The following PCDHA1 variants were observed in gnomAD, a reference collection of about 807,000 sequenced individuals.
PCDHA1 encodes the protein protocadherin alpha 1.
Under a neutral mutation model 61.3 loss-of-function variants are expected in PCDHA1, and 42 were observed. The observed-to-expected ratio is 0.69, with a 90% confidence interval of 0.54 to 0.89. The LOEUF (loss-of-function observed/expected upper bound fraction) is 0.89, where lower values mean the gene tolerates loss of function less well. Ranked by LOEUF, PCDHA1 falls within the 40% of genes least tolerant of loss-of-function variation. PCDHA1 has a pLI of 0.00. For synonymous variants in PCDHA1, 610 were observed against 553.8 expected (o/e 1.10, Z -1.43); for missense variants, 1,256 against 1,235.3 (o/e 1.02, Z -0.25).
chr5:140,862,675 G>C, intron 1 of PCDHA1: 1 of 550,422 alleles, frequency 1.8e-6, no homozygotes, highest in Non-Finnish European at 3.6e-6. Context: ...GCAGGAGAAC[G>C]TGCTGGTGTC....
At chr5:140,985,739 C>CTTTTTT (rs11372071) in intron 3 of PCDHA1, among the ~76,000 whole-genome samples, 3 of 117,922 alleles carry the variant, frequency 2.5e-5, no homozygotes, top group Non-Finnish European at 1.7e-5. Context: ...TGATGAATTC[C>CTTTTTT]TTTTTTTTTT....
chr5:140,892,310 A>AT (rs1422110989), intron 1 of PCDHA1, among the ~76,000 whole-genome samples: 1 of 152,230 alleles, frequency 6.6e-6, no homozygotes, highest in Non-Finnish European at 1.5e-5. Flanking sequence ...TTTGGGGCTT[A>AT]TAACATTTTC....
chr5:140,844,367 A>C (rs1220676752), intron 1 of PCDHA1, among the ~76,000 whole-genome samples: 1 of 149,478 alleles, frequency 6.7e-6, no homozygotes, highest in Non-Finnish European at 1.5e-5. Context: ...GAGATTTGTA[A>C]TCCTTCTTTT....
chr5:140,882,562 G>A, intron 1 of PCDHA1: 1 of 1,614,252 alleles, frequency 6.2e-7, no homozygotes, highest in Non-Finnish European at 8.5e-7. Flanking sequence ...TGTGTGGGCG[G>A]AGCGCGGAGT....
At chr5:140,797,054 A>C in intron 1 of PCDHA1, 3 of 1,613,748 alleles carry the variant, frequency 1.9e-6, no homozygotes, top group Non-Finnish European at 2.5e-6. Flanking sequence ...GTGGATGTCA[A>C]CGTGTACCTG....
At chr5:140,965,951 T>C (rs1484541931) in intron 1 of PCDHA1, among the ~76,000 whole-genome samples, 3 of 152,172 alleles carry the variant, frequency 2.0e-5, no homozygotes, top group East Asian at 1.9e-4. Flanking sequence ...GCATTTGCCA[T>C]CCCCCTCCTT....
chr5:140,989,893 A>T (rs1436233809), intron 3 of PCDHA1, among the ~76,000 whole-genome samples: 1 of 151,928 alleles, frequency 6.6e-6, no homozygotes, highest in Non-Finnish European at 1.5e-5. Context: ...AGTCTCCGTT[A>T]TTCACAATCA....
intron 1 of PCDHA1, chr5:140,928,845 T>C: frequency 6.2e-7 from 1 of 1,614,180 alleles, no homozygotes; most frequent in Non-Finnish European, 8.5e-7. Flanking sequence ...CCTCTGTCAC[T>C]CTGGGTGTGC....
intron 3 of PCDHA1, among the ~76,000 whole-genome samples, chr5:141,007,395 C>CAAAAAAAAAAAA (rs35800918): frequency 6.3e-5 from 6 of 94,866 alleles, no homozygotes; most frequent in Admixed American, 1.2e-4. Flanking sequence ...TACTAAAATA[C>CAAAAAAAAAAAA]AAAAAAAAAA....
intron 1 of PCDHA1, chr5:140,801,601 T>C (rs1554121563): frequency 1.9e-6 from 3 of 1,614,168 alleles, no homozygotes; most frequent in South Asian, 1.1e-5. Context: ...GTTTTTCCAA[T>C]GGCTGTAAAG....
At chr5:140,927,602 T>G (rs2084408838) in intron 1 of PCDHA1, 1 of 1,614,104 alleles carries the variant, frequency 6.2e-7, no homozygotes, top group African/African-American at 1.3e-5. Context: ...GAGCGCTCCG[T>G]ATACCGCACC....
At chr5:140,854,022 C>A in intron 1 of PCDHA1, 1 of 318,106 alleles carries the variant, frequency 3.1e-6, no homozygotes, top group Non-Finnish European at 4.7e-6. Context: ...ATTAGCCGGG[C>A]ATGGTGGCAC....
intron 1 of PCDHA1, among the ~76,000 whole-genome samples, chr5:140,907,747 G>A (rs782672220): frequency 7.9e-5 from 12 of 152,172 alleles, no homozygotes; most frequent in Admixed American, 2.0e-4. Flanking sequence ...TGGCCACTTT[G>A]TTCATGGGCC....
At chr5:140,892,083 C>T (rs1019565386) in intron 1 of PCDHA1, among the ~76,000 whole-genome samples, 5 of 152,144 alleles carry the variant, frequency 3.3e-5, no homozygotes, top group African/African-American at 1.2e-4. Context: ...TTTCTAGTTT[C>T]CTCTCGAAAC....
At chr5:140,836,762 C>T (rs2150269461) in intron 1 of PCDHA1, 3 of 1,567,656 alleles carry the variant, frequency 1.9e-6, no homozygotes, top group Non-Finnish European at 2.6e-6. Context: ...AATCTTGTTT[C>T]CAACAATTTT....
chr5:140,843,822 A>T, intron 1 of PCDHA1: 1 of 1,214,324 alleles, frequency 8.2e-7, no homozygotes, highest in Non-Finnish European at 1.2e-6. Context: ...GTGAAAATTT[A>T]AACATTGTTT....
At chr5:140,994,214 G>A (rs2153923643) in intron 3 of PCDHA1, among the ~76,000 whole-genome samples, 1 of 152,296 alleles carries the variant, frequency 6.6e-6, no homozygotes, top group South Asian at 2.1e-4. Flanking sequence ...ATGGGACCCA[G>A]GGTCTGTCTA....
chr5:140,899,407 T>C (rs1183210224), intron 1 of PCDHA1, among the ~76,000 whole-genome samples: 2 of 152,226 alleles, frequency 1.3e-5, no homozygotes, highest in Non-Finnish European at 2.9e-5. Context: ...TGAAGGGTTG[T>C]TGAATTTTGT....
intron 3 of PCDHA1, among the ~76,000 whole-genome samples, chr5:140,997,970 G>A (rs2097791868): frequency 2.0e-5 from 3 of 152,106 alleles, no homozygotes; most frequent in Admixed American, 2.0e-4. Context: ...ACCTGTGGTT[G>A]GACTGCACTT....
Sources: allele counts gnomAD v4.1 joint callset (sites outside exome capture counted in the v4.1 genomes callset), GRCh38; gene constraint gnomAD v4.1.1; transcripts MANE v1.5; gene names NCBI Gene and HGNC (gene_info 2026-07-23, HGNC 2026-07-21).